PIP5K1B: variants seen among roughly 807,000 people sequenced by gnomAD.
PIP5K1B encodes phosphatidylinositol-4-phosphate 5-kinase type 1 beta.
Under a neutral mutation model 67.0 loss-of-function variants are expected in PIP5K1B, and 42 were observed. That is an observed-to-expected ratio of 0.63 (90% CI 0.49 to 0.81). The LOEUF (loss-of-function observed/expected upper bound fraction) is 0.81, where lower values mean the gene tolerates loss of function less well. Ranked by LOEUF, PIP5K1B falls within the 30% of genes least tolerant of loss-of-function variation. PIP5K1B has a pLI of 0.00. For missense variants in PIP5K1B, 459 were observed against 646.3 expected, an observed-to-expected ratio of 0.71 and a Z score of 3.14; for synonymous variants, 214 against 231.4, an observed-to-expected ratio of 0.92 and a Z score of 0.68.
At chr9:68,710,882 T>G (rs1025725286) in intron 1 of PIP5K1B, among the ~76,000 whole-genome samples, 2 of 152,204 alleles carry the variant, frequency 1.3e-5, no homozygotes, top group Non-Finnish European at 2.9e-5. Flanking sequence ...CTCTAATGTT[T>G]TTAGAAAATC....
intron 1 of PIP5K1B, among the ~76,000 whole-genome samples, chr9:68,715,285 T>A (rs911852130): frequency 6.6e-6 from 1 of 152,180 alleles, no homozygotes; most frequent in African/African-American, 2.4e-5. Flanking sequence ...GACTCTTCAA[T>A]GGCCTCCCTT....
chr9:68,926,353 G>A (rs1826699785), intron 12 of PIP5K1B, among the ~76,000 whole-genome samples: 1 of 152,028 alleles, frequency 6.6e-6, no homozygotes, highest in Admixed American at 6.5e-5. Flanking sequence ...TTCCGGTTTG[G>A]ATAATTTTTC....
intron 4 of PIP5K1B, among the ~76,000 whole-genome samples, chr9:68,838,248 G>A (rs1445537502): frequency 1.3e-5 from 2 of 151,734 alleles, no homozygotes; most frequent in Admixed American, 6.6e-5. Context: ...CATATAATGT[G>A]TAAATTATCA....
intron 14 of PIP5K1B, among the ~76,000 whole-genome samples, chr9:68,949,674 A>G (rs1827964053): frequency 6.6e-6 from 1 of 152,250 alleles, no homozygotes; most frequent in South Asian, 2.1e-4. Flanking sequence ...GAAAAAGTTC[A>G]GCTGAATTAA....
At chr9:68,835,070 A>G (rs1273318310) in intron 4 of PIP5K1B, among the ~76,000 whole-genome samples, 5 of 152,236 alleles carry the variant, frequency 3.3e-5, no homozygotes, top group African/African-American at 1.2e-4. Flanking sequence ...TTTCTCCAGA[A>G]CAAACATCAT....
At chr9:68,800,175 T>G (rs559256033) in intron 2 of PIP5K1B, among the ~76,000 whole-genome samples, 2 of 152,278 alleles carry the variant, frequency 1.3e-5, no homozygotes, top group East Asian at 1.9e-4. Flanking sequence ...AAGGGGCTGG[T>G]GGAGATACCT....
At chr9:68,927,425 T>C (rs564364897) in intron 12 of PIP5K1B, among the ~76,000 whole-genome samples, 114 of 152,342 alleles carry the variant, frequency 7.5e-4, no homozygotes, top group African/African-American at 2.6e-3. Context: ...ACATCCTCAC[T>C]GACATATGTT....
At chr9:68,987,288 G>T (rs1830133269) in intron 14 of PIP5K1B, among the ~76,000 whole-genome samples, 1 of 152,002 alleles carries the variant, frequency 6.6e-6, no homozygotes, top group East Asian at 1.9e-4. Flanking sequence ...TTGGGGCCAG[G>T]CGTGGCGGCT....
At chr9:68,750,753 A>G (rs1177684233) in intron 2 of PIP5K1B, among the ~76,000 whole-genome samples, 2 of 152,222 alleles carry the variant, frequency 1.3e-5, no homozygotes, top group Non-Finnish European at 2.9e-5. Context: ...TGATAAGACT[A>G]TGGGAAACCA....
intron 5 of PIP5K1B, among the ~76,000 whole-genome samples, chr9:68,873,685 C>T (rs1015217911): frequency 2.0e-5 from 3 of 151,806 alleles, no homozygotes; most frequent in Non-Finnish European, 4.4e-5. Context: ...CCTATATAGT[C>T]TCAATCATCC....
At chr9:68,876,850 C>T in intron 6 of PIP5K1B, 56 bp downstream of exon 6, 1 of 876,750 alleles carries the variant, frequency 1.1e-6, no homozygotes, top group Non-Finnish European at 1.9e-6. Context: ...AAACATTTGT[C>T]TCATAGCAAC....
At chr9:68,841,852 T>C (rs1341190996) in intron 4 of PIP5K1B, among the ~76,000 whole-genome samples, 1 of 152,208 alleles carries the variant, frequency 6.6e-6, no homozygotes, top group African/African-American at 2.4e-5. Context: ...TTTTCTGCAT[T>C]GTATTCTTAG....
At chr9:68,790,966 A>G (rs146348725) in intron 2 of PIP5K1B, among the ~76,000 whole-genome samples, 11 of 152,306 alleles carry the variant, frequency 7.2e-5, no homozygotes, top group Non-Finnish European at 1.3e-4. Flanking sequence ...TCATTTACAA[A>G]TTTTAAGGCA....
At chr9:68,914,379 G>A (rs1159945036) in intron 8 of PIP5K1B, among the ~76,000 whole-genome samples, 5 of 152,100 alleles carry the variant, frequency 3.3e-5, no homozygotes, top group Admixed American at 6.6e-5. Flanking sequence ...TGCTTTGGAG[G>A]ATGCTTTGGG....
intron 12 of PIP5K1B, among the ~76,000 whole-genome samples, chr9:68,931,806 A>G (rs1435214050): frequency 6.6e-6 from 1 of 152,214 alleles, no homozygotes; most frequent in Non-Finnish European, 1.5e-5. Context: ...ACTGCCAGCC[A>G]TGGTTGAGCC....
At chr9:68,768,805 T>C (rs941978371) in intron 2 of PIP5K1B, among the ~76,000 whole-genome samples, 1 of 152,224 alleles carries the variant, frequency 6.6e-6, no homozygotes, top group African/African-American at 2.4e-5. Flanking sequence ...CCTGGGTCTC[T>C]CCAGTCTGTT....
intron 2 of PIP5K1B, among the ~76,000 whole-genome samples, chr9:68,764,432 G>T (rs754948087): frequency 6.6e-6 from 1 of 152,028 alleles, no homozygotes; most frequent in Non-Finnish European, 1.5e-5. Flanking sequence ...GATCCATTCT[G>T]TTTGAGGACC....
chr9:68,788,416 G>A, intron 2 of PIP5K1B: 1 of 600,336 alleles, frequency 1.7e-6, no homozygotes, highest in East Asian at 4.1e-5. Flanking sequence ...GAAATAGCCA[G>A]CTGCTGCATC....
In PIP5K1B at chr9:68,935,345, G is replaced by A. The variant is rs930725233; in HGVS notation, c.1357+300G>A. ...TAGTCAGGCGTGATAGCGGGCGCCT[G>A]TAATCCCAGCTACTTGGGAAGCTGA... is the stretch of plus-strand genomic sequence containing the variant. On this transcript the variant is annotated intron_variant, in intron 13 of 15. Transcript: ENST00000265382. Among the ~76,000 whole-genome samples the A allele has an allele frequency of 1.3e-5, 2 of 152,106 alleles. 1 individual carries two copies. Among genetic ancestry groups the A allele is most frequent in the Admixed American group, 1.3e-4 (2 of 15,252 alleles).
Sources: allele counts gnomAD v4.1 joint callset (sites outside exome capture counted in the v4.1 genomes callset), GRCh38; gene constraint gnomAD v4.1.1; transcripts MANE v1.5; gene names NCBI Gene and HGNC (gene_info 2026-07-23, HGNC 2026-07-21).